ASMTL: variants seen among roughly 807,000 people sequenced by gnomAD.
ASMTL encodes the protein acetylserotonin O-methyltransferase like.
In ASMTL, 57 loss-of-function variants were observed where a neutral mutation model predicts 60.3. The observed-to-expected ratio is 0.95, with a 90% CI of 0.76 to 1.18. The LOEUF (loss-of-function observed/expected upper bound fraction) is 1.18. ASMTL is among the 50% of genes most tolerant of loss of function. The pLI is 0.00. For synonymous variants in ASMTL, 419 were observed against 373.0 expected, an observed-to-expected ratio of 1.12 and a Z score of -1.42; for missense variants, 981 against 852.6, an observed-to-expected ratio of 1.15 and a Z score of -1.88.
At chrX:1,427,688 G>A in intron 7 of ASMTL, 46 bp downstream of exon 7, 2 of 1,551,526 alleles carry the variant, frequency 1.3e-6, no homozygotes, top group Non-Finnish European at 1.8e-6. Flanking sequence ...AGCCGAGTGT[G>A]TAGGCTCATT....
chrX:1,446,162 G>A (rs28806517), intron 1 of ASMTL, among the ~76,000 whole-genome samples: 107,197 of 151,944 alleles, frequency 0.71, 42,063 homozygotes, highest in East Asian at 0.94. Flanking sequence ...AAATAATGGC[G>A]TAAGCTGTTT....
Position 1,425,562 on chromosome X carries a change from G to T in ASMTL, c.1023C>A (p.Ile341=). The T allele has an allele frequency of 6.2e-7, 1 of 1,613,512 alleles. No individual in the cohort carries two copies. Among genetic ancestry groups the T allele is most frequent in the Non-Finnish European group, 8.5e-7 (1 of 1,179,808 alleles). ...SACGMERLLD[I]CAAMGLLEKT... ...TCTCCAGGAGCCCCATGGCAGCACA[G>T]ATGTCCAGAAGCCTCTCCATTCCAC... is the stretch of plus-strand genomic sequence containing the variant. Residue 341 remains isoleucine, a synonymous_variant, in exon 8 of 13, where the codon ATC becomes ATA. Coordinates refer to ENST00000381317, the MANE Select transcript of ASMTL (RefSeq NM_004192.4).
chrX:1,404,054 G>C (rs1274250013), intron 12 of ASMTL, among the ~76,000 whole-genome samples: 5 of 150,266 alleles, frequency 3.3e-5, no homozygotes, highest in African/African-American at 1.0e-4. Flanking sequence ...GCATGGACGA[G>C]ATGGATGGAT....
chrX:1,453,678 T>C (rs1456636802), upstream of ASMTL: 3 of 142,304 alleles, frequency 2.1e-5, no homozygotes, highest in Non-Finnish European at 4.6e-5. Context: ...TCGGGGAAGG[T>C]AGAGATAGGG....
At chrX:1,430,683 G>A (rs2090745411) in intron 6 of ASMTL, among the ~76,000 whole-genome samples, 2 of 151,112 alleles carry the variant, frequency 1.3e-5, no homozygotes, top group South Asian at 4.1e-4. Context: ...GAGGTGAGAG[G>A]ATCATTTTGA....
chrX:1,446,357 G>A (rs28882976), intron 1 of ASMTL, among the ~76,000 whole-genome samples: 1,757 of 152,058 alleles, frequency 0.012, 25 homozygotes, highest in Middle Eastern at 0.065. Flanking sequence ...ACCAGTCTCC[G>A]CGTCTTGGTG....
intron 1 of ASMTL, among the ~76,000 whole-genome samples, chrX:1,450,856 T>C (rs1414721286): frequency 2.5e-5 from 3 of 119,052 alleles, no homozygotes; most frequent in East Asian, 5.8e-4. Context: ...CCCTCCCCCA[T>C]CCCTAGGGGT....
At chrX:1,415,499 C>T (rs1359304978) in intron 11 of ASMTL, among the ~76,000 whole-genome samples, 4 of 144,766 alleles carry the variant, frequency 2.8e-5, no homozygotes, top group Non-Finnish European at 4.5e-5. Flanking sequence ...GAGTTTCGCT[C>T]TTGTTGCCCA....
At chrX:1,405,052 G>A (rs769338698) in intron 12 of ASMTL, among the ~76,000 whole-genome samples, 3 of 151,140 alleles carry the variant, frequency 2.0e-5, no homozygotes, top group South Asian at 2.1e-4. Context: ...TGATGGGTAC[G>A]TAGATAGATG....
intron 11 of ASMTL, among the ~76,000 whole-genome samples, chrX:1,416,266 CACAG>C (rs2090252500): frequency 6.7e-6 from 1 of 150,042 alleles, no homozygotes; most frequent in African/African-American, 2.5e-5. Context: ...CGCACGGACA[CACAG>C]ATACACCAAC....
chrX:1,431,209 AT>A (rs1190033980), intron 6 of ASMTL, among the ~76,000 whole-genome samples: 1 of 114,908 alleles, frequency 8.7e-6, no homozygotes, highest in Non-Finnish European at 1.8e-5. Flanking sequence ...ATCATTTATA[AT>A]TAATTATATA....
At chrX:1,450,678 AT>A (rs1381868404) in intron 1 of ASMTL, among the ~76,000 whole-genome samples, 3 of 79,804 alleles carry the variant, frequency 3.8e-5, no homozygotes, top group African/African-American at 1.5e-4. Context: ...CCCCTCCCCC[AT>A]CCCTAGGGGG....
intron 4 of ASMTL, chrX:1,435,367 C>T (rs2090933773): frequency 3.3e-6 from 2 of 606,956 alleles, no homozygotes; most frequent in South Asian, 2.0e-5. Context: ...CTTCCACGTC[C>T]TGGGATGGGG....
chrX:1,424,020 GTCCA>G (rs777625894), intron 8 of ASMTL, among the ~76,000 whole-genome samples: 40 of 94,118 alleles, frequency 4.2e-4, no homozygotes, highest in Middle Eastern at 9.8e-3. Flanking sequence ...CCATCCATCT[GTCCA>G]TCCATCCATC....
intron 9 of ASMTL, 126 bp from the exon 10 acceptor site, chrX:1,419,240 G>T: frequency 9.3e-7 from 1 of 1,080,524 alleles, no homozygotes; most frequent in African/African-American, 1.6e-5. Flanking sequence ...CGCCTGGGCT[G>T]CAGAGCGGGC....
intron 11 of ASMTL, among the ~76,000 whole-genome samples, chrX:1,414,544 CT>C (rs1400757044): frequency 1.3e-5 from 2 of 152,068 alleles, no homozygotes; most frequent in Non-Finnish European, 2.9e-5. Context: ...CCCATCTGTA[CT>C]AAAAATACAA....
At chrX:1,405,116 G>A (rs770569747) in intron 12 of ASMTL, among the ~76,000 whole-genome samples, 13 of 150,024 alleles carry the variant, frequency 8.7e-5, no homozygotes, top group African/African-American at 3.2e-4. Flanking sequence ...TGAACAGATG[G>A]TAGATTATGC....
intron 3 of ASMTL, among the ~76,000 whole-genome samples, chrX:1,436,868 G>C (rs2090979576): frequency 6.6e-6 from 1 of 152,170 alleles, no homozygotes; most frequent in African/African-American, 2.4e-5. Context: ...GTCTGACTGG[G>C]CCACCATAGC....
rs2090488583 is a variant in ASMTL, at chrX:1,421,712, C to T, written c.1191G>A (p.Glu397=). The T allele has an allele frequency of 6.2e-7, 1 of 1,613,812 alleles. No homozygotes were observed. Among genetic ancestry groups the T allele is most frequent in the Non-Finnish European group, 8.5e-7 (1 of 1,179,860 alleles). ...ACGCCCTGTGGTGCTGGTTTGTTCCCTCTCGGATGGCAAACTCCAGGTATG... is the reference window on the plus strand; with the variant it reads ...ACGCCCTGTGGTGCTGGTTTGTTCCTTCTCGGATGGCAAACTCCAGGTATG... ...LFTYLEFAIR[E]GTNQHHRALG... The change falls in exon 9 of 13, where the codon GAG becomes GAA. Residue 397 remains glutamate (E), a synonymous_variant. Transcript: ENST00000381317.
Sources: gnomAD v4.1 joint callset for allele counts (sites outside exome capture counted in the v4.1 genomes callset) on GRCh38, gnomAD v4.1.1 for gene constraint, MANE v1.5 for transcripts, NCBI Gene and HGNC (gene_info 2026-07-23, HGNC 2026-07-21) for gene names.